Variants in CEACAM1 observed in about 807,000 individuals in gnomAD.
CEACAM1 encodes the protein cell adhesion molecule CEACAM1.
A neutral mutation model predicts 49.1 loss-of-function variants in CEACAM1; 31 were observed. The ratio of observed to expected loss-of-function variants is 0.63; its 90% confidence interval spans 0.47 to 0.85. The LOEUF is 0.85. CEACAM1 is among the 40% of genes least tolerant of loss of function. CEACAM1 has a pLI of 0.00. For missense variants in CEACAM1, 570 were observed against 645.3 expected, an observed-to-expected ratio of 0.88 and a Z score of 1.26; for synonymous variants, 244 against 247.8, an observed-to-expected ratio of 0.98 and a Z score of 0.14.
At position 42,521,476 on chromosome 19, in the gene CEACAM1, C is replaced by G. The variant is rs539432247; in HGVS notation, c.749G>C (p.Arg250Pro). The G allele has an allele frequency of 1.2e-6, 2 of 1,614,078 alleles. No individual in the cohort carries two copies. The highest frequency in any genetic ancestry group is 1.7e-6 in the Non-Finnish European group (2 of 1,180,014). The change falls in exon 4 of 9, where the codon CGT (arginine) becomes CCT (proline). Residue 250 changes from arginine (R) to proline (P), a missense_variant. Transcript: ENST00000161559. Reference sequence around the variant, plus strand: ...GGAGAGGCTGAGGTTTGCCCCTGGACGGTAATAGGTGTCTGAAGGGGAAAT... The same window carrying G: ...GGAGAGGCTGAGGTTTGCCCCTGGAGGGTAATAGGTGTCTGAAGGGGAAAT... Reference protein sequence around the residue: ...PTISPSDTYYRPGANLSLSCY... With the variant: ...PTISPSDTYYPPGANLSLSCY...
chr19:42,522,305 C>T (rs578242569), intron 2 of CEACAM1, 103 bp from the exon 3 acceptor site: 33 of 1,527,186 alleles, frequency 2.2e-5, no homozygotes, highest in East Asian at 9.0e-5. Flanking sequence ...GATGGAGCCT[C>T]GCTCTGTCAC....
At chr19:42,513,700 C>T (rs935097263) in intron 5 of CEACAM1, among the ~76,000 whole-genome samples, 4 of 149,774 alleles carry the variant, frequency 2.7e-5, no homozygotes, top group African/African-American at 9.9e-5. Context: ...TCCTCTCACT[C>T]TCGCCTTACT....
rs191868314 is a variant in CEACAM1 at position 42,508,771 on chromosome 19, G to A, written c.*338C>T. 44 of 261,344 alleles carry A rather than the reference G, an allele frequency of 1.7e-4. No homozygotes were observed. The Admixed American group carries it at 1.9e-3, about 11-fold the overall frequency. 16.2% of individuals were successfully genotyped at this position (261,344 alleles called of 1,614,324 possible). On this transcript the variant is annotated 3_prime_UTR_variant, in exon 9 of 9. Transcript: ENST00000161559. ...AGTGATAGGACAGGACTGGGGGTGG[G>A]AAGGAATGAGTGCTCTGAACAGGCA... is the stretch of plus-strand genomic sequence containing the variant.
In CEACAM1 at chr19:42,508,739, G is replaced by A; in HGVS notation, c.*370C>T. On this transcript the variant is annotated 3_prime_UTR_variant, in exon 9 of 9. Coordinates refer to ENST00000161559, the MANE Select transcript of CEACAM1 (RefSeq NM_001712.5). ...ATAACCTCAAGGCTATGGCAAATCC[G>A]AATTAGAGTGATAGGACAGGACTGG... 1 of 201,618 alleles carries A rather than the reference G, an allele frequency of 5.0e-6. No individual in the cohort carries two copies. The highest frequency in any genetic ancestry group is 1.0e-5 in the Non-Finnish European group (1 of 98,202). 12.5% of individuals were successfully genotyped at this position (201,618 alleles called of 1,614,324 possible). A position where few individuals can be genotyped will look rare whatever the true frequency, so the allele number is the denominator to read the frequency against.
chr19:42,519,649 A>G (rs1329323231), intron 4 of CEACAM1, among the ~76,000 whole-genome samples: 1 of 150,692 alleles, frequency 6.6e-6, no homozygotes, highest in East Asian at 1.9e-4. Flanking sequence ...AGCTCACTGC[A>G]AGCTCTGCCT....
chr19:42,520,386 C>T (rs1332248983), intron 4 of CEACAM1, among the ~76,000 whole-genome samples: 2 of 152,148 alleles, frequency 1.3e-5, no homozygotes, highest in Non-Finnish European at 2.9e-5. Context: ...GTTTTTGAGA[C>T]AGAGTCTCTC....
intron 6 of CEACAM1, among the ~76,000 whole-genome samples, chr19:42,511,859 C>T (rs952398082): frequency 6.6e-6 from 1 of 151,672 alleles, no homozygotes; most frequent in African/African-American, 2.4e-5. Flanking sequence ...GCTTCTGTGC[C>T]TACTTCTATC....
intron 7 of CEACAM1, 24 bp from the exon 8 acceptor site, chr19:42,510,944 GC>G: frequency 1.2e-6 from 2 of 1,613,164 alleles, no homozygotes; most frequent in Non-Finnish European, 1.7e-6. Context: ...AGAAGAGTTA[GC>G]GATCCATGGA....
chr19:42,512,228 A>T (rs1360495929), intron 6 of CEACAM1, 122 bp downstream of exon 6: 1 of 1,126,868 alleles, frequency 8.9e-7, no homozygotes, highest in African/African-American at 1.6e-5. Context: ...AGTGCCGAGA[A>T]GCAGGAGTTT....
intron 5 of CEACAM1, among the ~76,000 whole-genome samples, chr19:42,513,929 A>AAATAAT: frequency 7.6e-6 from 1 of 131,490 alleles, no homozygotes; most frequent in African/African-American, 3.3e-5. Context: ...ATATATAAAT[A>AAATAAT]ATACCTTTTG....
Position 42,523,505 on chromosome 19 carries a change from C to T in CEACAM1, c.425-1303G>A, listed in dbSNP as rs557408512. Among the ~76,000 whole-genome samples, 13 of 152,314 alleles carry T rather than the reference C, an allele frequency of 8.5e-5. No homozygotes were observed. In the East Asian group the frequency reaches 2.3e-3, roughly 27 times the overall value. On this transcript the variant is annotated intron_variant, in intron 2 of 8. Coordinates refer to ENST00000161559, the MANE Select transcript of CEACAM1 (RefSeq NM_001712.5). Reference sequence around the variant, plus strand: ...CTGCCTGGATTTAACAGCATATCTACGTTCCTTGTCTTTGGTCTTTAATGT... The same window carrying T: ...CTGCCTGGATTTAACAGCATATCTATGTTCCTTGTCTTTGGTCTTTAATGT...
intron 2 of CEACAM1, among the ~76,000 whole-genome samples, chr19:42,523,666 C>T (rs1259970871): frequency 6.6e-6 from 1 of 152,156 alleles, no homozygotes; most frequent in African/African-American, 2.4e-5. Flanking sequence ...CCCTCATGGA[C>T]CGTGTGTGTT....
At chr19:42,514,153 C>T (rs1433183476) in intron 5 of CEACAM1, among the ~76,000 whole-genome samples, 1 of 144,232 alleles carries the variant, frequency 6.9e-6, no homozygotes, top group Non-Finnish European at 1.5e-5. Context: ...TTTTTTGAGA[C>T]CGAGTTTTGC....
chr19:42,515,504 C>G (rs2041578731), intron 5 of CEACAM1, among the ~76,000 whole-genome samples: 1 of 152,028 alleles, frequency 6.6e-6, no homozygotes, highest in Non-Finnish European at 1.5e-5. Context: ...GAAACCCTGT[C>G]TCTACAAAAA....
intron 5 of CEACAM1, among the ~76,000 whole-genome samples, chr19:42,516,243 A>G (rs1308817375): frequency 6.6e-6 from 1 of 152,206 alleles, no homozygotes; most frequent in Non-Finnish European, 1.5e-5. Context: ...CTGTTTGCAG[A>G]ATACACTAAC....
At position 42,527,379 on chromosome 19, in the gene CEACAM1, T is replaced by C; in HGVS notation, c.86A>G (p.Asn29Ser). 5 of 1,604,994 alleles carry C rather than the reference T, an allele frequency of 3.1e-6. No individual in the cohort carries two copies. Among genetic ancestry groups the C allele is most frequent in the Non-Finnish European group, 4.3e-6 (5 of 1,175,066 alleles). Residue 29 changes from asparagine to serine, a missense_variant, in exon 2 of 9, where the codon AAC becomes AGC. Physicochemically the swap from Asn to Ser is conservative, Grantham distance 46. Transcript: ENST00000161559. Reference protein sequence around the residue: ...LLTASLLTFWNPPTTAQLTTE... With the variant: ...LLTASLLTFWSPPTTAQLTTE... ...AGTGAGCTGGGCAGTGGTGGGCGGG[T>C]TCCAGAAGGTTAGAAGTGAGGCTAG...
At chr19:42,509,259 C>T (rs2041396153) in intron 8 of CEACAM1, 31 bp from the exon 9 acceptor site, 9 of 1,584,030 alleles carry the variant, frequency 5.7e-6, no homozygotes, top group Non-Finnish European at 6.9e-6. Context: ...TCAGTTAAGT[C>T]AGTGACACAG....
At chr19:42,511,776 C>T in intron 6 of CEACAM1, 148 bp from the exon 7 acceptor site, 1 of 687,606 alleles carries the variant, frequency 1.5e-6, no homozygotes, top group Non-Finnish European at 2.5e-6. Flanking sequence ...TTCAGTCTAA[C>T]TACAATCCCT....
chr19:42,524,767 G>C (rs2041847338), intron 2 of CEACAM1, among the ~76,000 whole-genome samples: 1 of 152,192 alleles, frequency 6.6e-6, no homozygotes, highest in Non-Finnish European at 1.5e-5. Flanking sequence ...ACAGTGAGCA[G>C]TGGGGGCTAA....
Sources: allele counts gnomAD v4.1 joint callset (sites outside exome capture counted in the v4.1 genomes callset), GRCh38; gene constraint gnomAD v4.1.1; transcripts MANE v1.5; gene names NCBI Gene and HGNC (gene_info 2026-07-23, HGNC 2026-07-21).